VPS8: variants seen among roughly 807,000 people sequenced by gnomAD.
VPS8 encodes vacuolar protein sorting-associated protein 8 homolog.
Under a neutral mutation model 216.4 loss-of-function variants are expected in VPS8, and 129 were observed. The ratio of observed to expected loss-of-function variants is 0.60; its 90% CI spans 0.52 to 0.69. The LOEUF (loss-of-function observed/expected upper bound fraction) is 0.69. VPS8 is among the 30% of genes least tolerant of loss of function. The pLI, the probability that VPS8 is intolerant of heterozygous loss-of-function variation, is 0.00. For missense variants in VPS8, 1,531 were observed against 1,683.5 expected, an observed-to-expected ratio of 0.91 and a Z score of 1.59; for synonymous variants, 571 against 565.4, an observed-to-expected ratio of 1.01 and a Z score of -0.14.
At chr3:184,957,298 T>C (rs1745766718) in intron 36 of VPS8, 76 bp from the exon 37 acceptor site, 31 of 1,441,218 alleles carry the variant, frequency 2.2e-5, no homozygotes. Context: ...ATGTGCTTTT[T>C]ACTGGTAGCT....
intron 41 of VPS8, 150 bp downstream of exon 41, chr3:184,982,797 T>G: frequency 1.3e-6 from 1 of 748,846 alleles, no homozygotes; most frequent in South Asian, 2.3e-5. Flanking sequence ...GATCTCATCT[T>G]TCATGTTTCT....
At chr3:184,994,129 T>C in intron 43 of VPS8, 66 bp downstream of exon 43, 1 of 1,229,532 alleles carries the variant, frequency 8.1e-7, no homozygotes, top group Middle Eastern at 2.1e-4. Flanking sequence ...TTTTTAATTT[T>C]GTACCTATAC....
intron 45 of VPS8, among the ~76,000 whole-genome samples, chr3:185,014,339 T>A (rs919392403): frequency 1.3e-5 from 2 of 152,158 alleles, no homozygotes; most frequent in Non-Finnish European, 2.9e-5. Context: ...CTCCTCAGCA[T>A]CAGTCTCGAC....
chr3:184,939,830 A>G (rs1380100759), intron 35 of VPS8, among the ~76,000 whole-genome samples: 5 of 152,166 alleles, frequency 3.3e-5, no homozygotes, highest in Non-Finnish European at 7.3e-5. Context: ...AGGTTAAGGC[A>G]AGGTGAAACT....
chr3:184,853,468 G>A (rs114266124), intron 11 of VPS8, among the ~76,000 whole-genome samples: 255 of 152,294 alleles, frequency 1.7e-3, no homozygotes, highest in African/African-American at 5.9e-3. Context: ...TCCAGGCAGA[G>A]ACCATTCAGA....
intron 46 of VPS8, among the ~76,000 whole-genome samples, chr3:185,045,078 A>G (rs1490563656): frequency 9.8e-6 from 1 of 101,766 alleles, no homozygotes; most frequent in African/African-American, 3.9e-5. Flanking sequence ...ACAAGGAAAG[A>G]TTTGAAAGTG....
chr3:184,956,990 T>C (rs1296636196), intron 36 of VPS8, among the ~76,000 whole-genome samples: 1 of 152,174 alleles, frequency 6.6e-6, no homozygotes, highest in Non-Finnish European at 1.5e-5. Flanking sequence ...CTATGAAGAA[T>C]ATAAAGAAGA....
At chr3:185,035,959 C>T (rs1561220345) in intron 46 of VPS8, among the ~76,000 whole-genome samples, 1 of 152,094 alleles carries the variant, frequency 6.6e-6, no homozygotes, top group African/African-American at 2.4e-5. Context: ...TTCTATACAC[C>T]AGCAGTGTTC....
chr3:184,992,644 G>A (rs1752052595), intron 42 of VPS8, among the ~76,000 whole-genome samples: 1 of 152,054 alleles, frequency 6.6e-6, no homozygotes, highest in East Asian at 1.9e-4. Flanking sequence ...TAAAGTAGCA[G>A]CTACTTTTAT....
chr3:184,941,334 G>A (rs1345509827), intron 36 of VPS8, among the ~76,000 whole-genome samples: 2 of 151,406 alleles, frequency 1.3e-5, no homozygotes, highest in Non-Finnish European at 2.9e-5. Context: ...TGATTACAAA[G>A]CCCCCTCCAC....
chr3:184,962,972 A>G (rs529028718), intron 37 of VPS8, among the ~76,000 whole-genome samples: 5 of 152,198 alleles, frequency 3.3e-5, no homozygotes, highest in African/African-American at 9.6e-5. Flanking sequence ...TTAATGCCAT[A>G]CTGCCATATA....
rs541128673 is a variant in VPS8, at chr3:184,937,773, C to T, written c.2988+1438C>T. The stretch of plus-strand genomic sequence containing the variant: ...GCAGCATGCATGTTCAGAGAACAGT[C>T]AGGTCTGTGTGAAGCATGACGTCAG... On this transcript the variant is annotated intron_variant, in intron 35 of 47. Transcript: ENST00000625842. Among the ~76,000 whole-genome samples the T allele has an allele frequency of 1.0e-3, 153 of 152,212 alleles. 1 individual carries two copies. The highest frequency in any genetic ancestry group is 3.6e-3 in the African/African-American group (148 of 41,538).
At chr3:184,915,173 C>T in intron 27 of VPS8, 120 bp downstream of exon 27, 1 of 1,346,206 alleles carries the variant, frequency 7.4e-7, no homozygotes. Flanking sequence ...CAGGAGAGAG[C>T]TTACACACTA....
intron 46 of VPS8, among the ~76,000 whole-genome samples, chr3:185,045,474 T>A (rs1425686527): frequency 6.6e-6 from 1 of 152,046 alleles, no homozygotes; most frequent in Non-Finnish European, 1.5e-5. Context: ...TTGATATGTT[T>A]GTTAAGAGGT....
intron 25 of VPS8, among the ~76,000 whole-genome samples, chr3:184,906,927 G>C (rs1454649199): frequency 1.3e-5 from 2 of 152,276 alleles, no homozygotes; most frequent in Non-Finnish European, 2.9e-5. Flanking sequence ...TCAGAGTAGA[G>C]CCTGTTAACT....
chr3:184,863,227 A>G (rs572360989), intron 16 of VPS8, among the ~76,000 whole-genome samples, 160 bp downstream of exon 16: 1 of 152,310 alleles, frequency 6.6e-6, no homozygotes, highest in South Asian at 2.1e-4. Flanking sequence ...GGATGTGCTT[A>G]TAAGTGTTTG....
At chr3:184,911,212 G>A (rs559845041) in intron 25 of VPS8, among the ~76,000 whole-genome samples, 4 of 152,214 alleles carry the variant, frequency 2.6e-5, no homozygotes, top group Admixed American at 2.0e-4. Flanking sequence ...AATTACCTAC[G>A]TATGTGCCAG....
At chr3:184,896,800 A>G (rs1379309629) in intron 23 of VPS8, among the ~76,000 whole-genome samples, 1 of 152,218 alleles carries the variant, frequency 6.6e-6, no homozygotes, top group Non-Finnish European at 1.5e-5. Context: ...GTATTTCAAT[A>G]CAAGTATTAT....
At chr3:184,824,859 C>G (rs1353597387) in intron 2 of VPS8, 74 bp downstream of exon 2, 1 of 1,404,504 alleles carries the variant, frequency 7.1e-7, no homozygotes, top group Non-Finnish European at 9.7e-7. Flanking sequence ...GACCCAGAGA[C>G]TCTAAGTCTG....
Sources: gnomAD v4.1 joint callset for allele counts (sites outside exome capture counted in the v4.1 genomes callset) on GRCh38, gnomAD v4.1.1 for gene constraint, MANE v1.5 for transcripts, NCBI Gene and HGNC (gene_info 2026-07-23, HGNC 2026-07-21) for gene names.